The following FBXW4 variants were observed in gnomAD, a reference collection of about 807,000 sequenced individuals.
FBXW4 encodes F-box and WD repeat domain containing 4, also known as F-box/WD repeat-containing protein 4.
FBXW4 carries 40 observed loss-of-function variants against 61.8 expected under a neutral mutation model. The observed-to-expected ratio is 0.65, with a 90% CI of 0.50 to 0.84. The LOEUF (loss-of-function observed/expected upper bound fraction) is 0.84. Ranked by LOEUF, FBXW4 falls within the 40% of genes least tolerant of loss-of-function variation. The probability of loss-of-function intolerance (pLI) is 0.00; values close to 1 mark genes in which losing one functional copy is unlikely to be tolerated. For synonymous variants in FBXW4, 311 were observed against 313.8 expected (o/e 0.99, Z 0.10); for missense variants, 672 against 753.8 (o/e 0.89, Z 1.27).
chr10:101,655,423 T>C (rs1413956968), intron 5 of FBXW4, among the ~76,000 whole-genome samples: 1 of 152,220 alleles, frequency 6.6e-6, no homozygotes, highest in East Asian at 1.9e-4. Flanking sequence ...TTTTGTAAAT[T>C]CTCAACCACA....
At chr10:101,616,922 T>C (rs1161828870) in intron 6 of FBXW4, among the ~76,000 whole-genome samples, 1 of 152,236 alleles carries the variant, frequency 6.6e-6, no homozygotes, top group Admixed American at 6.5e-5. Context: ...AGGCAGAGCC[T>C]GAATCCATGA....
chr10:101,681,590 G>A (rs1298477556), intron 1 of FBXW4, among the ~76,000 whole-genome samples: 9 of 149,976 alleles, frequency 6.0e-5, no homozygotes, highest in South Asian at 2.1e-4. Flanking sequence ...GGTGGCGGGC[G>A]CCTGTAGTCC....
At chr10:101,691,914 T>G (rs894795686) in intron 1 of FBXW4, among the ~76,000 whole-genome samples, 1 of 151,976 alleles carries the variant, frequency 6.6e-6, no homozygotes, top group Middle Eastern at 3.2e-3. Context: ...TTTACAAGAG[T>G]AGAGTAATCT....
chr10:101,659,527 A>G, intron 5 of FBXW4: 1 of 591,168 alleles, frequency 1.7e-6, no homozygotes, highest in Non-Finnish European at 2.1e-6. Flanking sequence ...GAGGTTATGA[A>G]GCAATGAGAT....
At chr10:101,651,515 T>C (rs1038055389) in intron 5 of FBXW4, among the ~76,000 whole-genome samples, 4 of 152,134 alleles carry the variant, frequency 2.6e-5, no homozygotes, top group Admixed American at 6.5e-5. Context: ...CAAACAATCA[T>C]TTTTTTCTTT....
At chr10:101,693,669 A>G (rs760774073) in intron 1 of FBXW4, among the ~76,000 whole-genome samples, 1 of 152,222 alleles carries the variant, frequency 6.6e-6, no homozygotes, top group Non-Finnish European at 1.5e-5. Context: ...CCAATTCCCT[A>G]CATGTTTTTT....
At chr10:101,673,734 A>T in intron 2 of FBXW4, 61 bp from the exon 3 acceptor site, 1 of 1,520,742 alleles carries the variant, frequency 6.6e-7, no homozygotes, top group East Asian at 2.3e-5. Flanking sequence ...ACTCAACTCC[A>T]ATCTTTGAAG....
Position 101,694,928 on chromosome 10 carries a change from GC to G in FBXW4, c.177del (p.Lys59AsnfsTer168). On this transcript the variant is annotated frameshift_variant, in exon 1 of 9. Coordinates refer to ENST00000331272, the MANE Select transcript of FBXW4 (RefSeq NM_022039.4). LOFTEE classifies it high-confidence loss of function. This position sits in a 1 kb window ranked among gnomAD's most constrained non-coding sequence, Gnocchi z 6.0. ...QGGRGSGAEG[K>X]PGPQTAKEAA... Reference sequence around the variant, plus strand: ...GCCTCCTTCGCCGTCTGCGGCCCGGGCTTCCCTTCCGCCCCGCTTCCTCTTC... The same window carrying G: ...GCCTCCTTCGCCGTCTGCGGCCCGGGTTCCCTTCCGCCCCGCTTCCTCTTC... The G allele has an allele frequency of 1.6e-6, 2 of 1,238,072 alleles. No individual in the cohort carries two copies. Among genetic ancestry groups the G allele is most frequent in the Non-Finnish European group, 2.0e-6 (2 of 991,530 alleles). The allele number at this position is 1,238,072 out of a possible 1,614,324, so 76.7% of individuals were successfully genotyped here.
At chr10:101,613,795 C>T (rs1249828656) in intron 6 of FBXW4, among the ~76,000 whole-genome samples, 1 of 152,212 alleles carries the variant, frequency 6.6e-6, no homozygotes, top group Non-Finnish European at 1.5e-5. Flanking sequence ...TGGGCCCTGG[C>T]CAGGAGCACT....
chr10:101,666,723 C>T (rs572800829), intron 5 of FBXW4, among the ~76,000 whole-genome samples: 23 of 152,034 alleles, frequency 1.5e-4, no homozygotes, highest in Admixed American at 7.2e-4. Flanking sequence ...CAGAGAGCCT[C>T]GAAAGCAGAA....
Position 101,612,434 on chromosome 10 carries a change from C to T in FBXW4, c.1345G>A (p.Ala449Thr), listed in dbSNP as rs1217622425. The T allele has an allele frequency of 6.3e-7, 1 of 1,594,484 alleles. No individual in the cohort carries two copies. The highest frequency in any genetic ancestry group is 2.3e-5 in the East Asian group (1 of 43,780). Residue 449 changes from alanine to threonine, a missense_variant, in exon 7 of 9, where the codon GCT becomes ACT. Around this residue, in one of 5 missense-constraint regions of FBXW4, gnomAD observed 312 missense variants for 370.1 expected, o/e 0.84. Coordinates refer to ENST00000331272, the MANE Select transcript of FBXW4 (RefSeq NM_022039.4). Reference protein sequence around the residue: ...THLGSDFPPGAGVLDVMYESP... With the variant: ...THLGSDFPPGTGVLDVMYESP... Reference sequence around the variant, plus strand: ...TCATACATGACATCCAGCACCCCAGCCCCTGGGGGAAAGTCACTGCCCAAG... The same window carrying T: ...TCATACATGACATCCAGCACCCCAGTCCCTGGGGGAAAGTCACTGCCCAAG...
rs181426197 is a variant in FBXW4, at chr10:101,612,192, A to G, written c.1442+145T>C. ...GGACCAGGGCTGCCCAAATGTAGGA[A>G]GTCTAGTGACCTTGCAGGCCTCTTC... On this transcript the variant is annotated intron_variant, in intron 7 of 8. Transcript: ENST00000331272. 36 of 1,003,186 alleles carry G rather than the reference A, an allele frequency of 3.6e-5. 1 individual carries two copies. In the Admixed American group the frequency reaches 1.3e-3, roughly 35 times the overall value. 62.1% of individuals were successfully genotyped at this position (1,003,186 alleles called of 1,614,324 possible).
At chr10:101,687,471 G>A (rs2064545396) in intron 1 of FBXW4, among the ~76,000 whole-genome samples, 1 of 152,146 alleles carries the variant, frequency 6.6e-6, no homozygotes, top group South Asian at 2.1e-4. Flanking sequence ...CGGCCCATCT[G>A]TTCTCCTCAA....
At chr10:101,681,510 G>A (rs888781948) in intron 1 of FBXW4, among the ~76,000 whole-genome samples, 8 of 150,904 alleles carry the variant, frequency 5.3e-5, no homozygotes, top group Non-Finnish European at 1.2e-4. Flanking sequence ...GAGGTCAGGA[G>A]ACAGAGACCA....
intron 5 of FBXW4, chr10:101,625,811 A>C (rs1276105230): frequency 6.6e-6 from 1 of 152,240 alleles, no homozygotes; most frequent in South Asian, 2.1e-4. Context: ...CATGTCTTTC[A>C]TGGGGGGGAA....
intron 5 of FBXW4, among the ~76,000 whole-genome samples, chr10:101,628,397 T>C (rs2063924163): frequency 2.6e-5 from 4 of 152,166 alleles, no homozygotes; most frequent in African/African-American, 9.7e-5. Flanking sequence ...ATGGGACAAA[T>C]GGCATTTTTG....
intron 5 of FBXW4, among the ~76,000 whole-genome samples, chr10:101,640,484 C>CTTTTTTTTTTTTTTTTTTTTTT (rs386372272): frequency 6.0e-5 from 5 of 83,874 alleles, no homozygotes; most frequent in South Asian, 5.2e-4. Context: ...CTTTCTTTCT[C>CTTTTTTTTTTTTTTTTTTTTTT]TTTTTTTTTT....
intron 4 of FBXW4, among the ~76,000 whole-genome samples, chr10:101,672,663 G>C (rs7095907): frequency 0.026 from 4,007 of 152,190 alleles, 178 homozygotes; most frequent in African/African-American, 0.088. Context: ...CTCTGTTTTT[G>C]AGTTCACGCC....
rs1456116110 is a variant in FBXW4, at chr10:101,673,470, G to A, written c.1007+18C>T. 1 of 1,613,150 alleles carries A rather than the reference G, an allele frequency of 6.2e-7. No individual in the cohort carries two copies. Among genetic ancestry groups the A allele is most frequent in the Non-Finnish European group, 8.5e-7 (1 of 1,179,216 alleles). On this transcript the variant is annotated intron_variant, in intron 3 of 8. Coordinates refer to ENST00000331272, the MANE Select transcript of FBXW4 (RefSeq NM_022039.4). Reference sequence around the variant, plus strand: ...TATAAGATGGAAAAGGGTGGAAGGAGAAACCTATAGCACTTACCCTCCTGC... The same window carrying A: ...TATAAGATGGAAAAGGGTGGAAGGAAAAACCTATAGCACTTACCCTCCTGC...
Sources: allele counts gnomAD v4.1 joint callset (sites outside exome capture counted in the v4.1 genomes callset), GRCh38; gene constraint gnomAD v4.1.1; regional missense constraint gnomAD v4.1.1; non-coding constraint Gnocchi (gnomAD v3.1); transcripts MANE v1.5; gene names NCBI Gene and HGNC (gene_info 2026-07-23, HGNC 2026-07-21).